Variants in GALNT13 observed in about 807,000 individuals in gnomAD.
The protein encoded by GALNT13 is polypeptide N-acetylgalactosaminyltransferase 13, also known as UDP-GalNAc:polypeptide N-acetylgalactosaminyltransferase 13.
Under a neutral mutation model 64.2 loss-of-function variants are expected in GALNT13, and 28 were observed. That is an observed-to-expected ratio of 0.44 (90% CI 0.32 to 0.60). The LOEUF (loss-of-function observed/expected upper bound fraction) is 0.60, where lower values mean the gene tolerates loss of function less well. Ranked by LOEUF, GALNT13 falls within the 20% of genes least tolerant of loss-of-function variation. GALNT13 has a pLI of 0.05. For synonymous variants in GALNT13, 214 were observed against 224.6 expected (o/e 0.95, Z 0.42); for missense variants, 577 against 669.8 (o/e 0.86, Z 1.53).
At chr2:153,609,294 C>T in the GALNT13 span, among the ~76,000 whole-genome samples, 1 of 152,098 alleles carries the variant, frequency 6.6e-6, no homozygotes, top group Non-Finnish European at 1.5e-5. Flanking sequence ...TCAACCTCTA[C>T]CTTTTTCTGA....
At chr2:153,290,400 T>C in the GALNT13 span, among the ~76,000 whole-genome samples, 1 of 152,168 alleles carries the variant, frequency 6.6e-6, no homozygotes, top group African/African-American at 2.4e-5. Flanking sequence ...GGGTATTTAA[T>C]TTTTAAAAAG....
At chr2:153,801,728 T>C in the GALNT13 span, among the ~76,000 whole-genome samples, 3 of 151,998 alleles carry the variant, frequency 2.0e-5, no homozygotes, top group African/African-American at 7.2e-5. Flanking sequence ...TGTTGGAAAA[T>C]TGGTGCCAAT....
chr2:153,732,882 G>A, the GALNT13 span, among the ~76,000 whole-genome samples: 32 of 152,016 alleles, frequency 2.1e-4, no homozygotes, highest in African/African-American at 7.7e-4. Context: ...TTGTTAGTAG[G>A]AACTTATAGG....
chr2:153,198,357 A>G, the GALNT13 span, among the ~76,000 whole-genome samples: 1 of 152,148 alleles, frequency 6.6e-6, no homozygotes, highest in Non-Finnish European at 1.5e-5. Flanking sequence ...GTCTGAGGTG[A>G]GAATGTAGGC....
intron 11 of GALNT13, among the ~76,000 whole-genome samples, chr2:154,416,972 T>G (rs1700036535): frequency 6.6e-6 from 1 of 152,182 alleles, no homozygotes; most frequent in Admixed American, 6.5e-5. Flanking sequence ...TTTTGTCCTC[T>G]AATCTCTTTC....
the GALNT13 span, among the ~76,000 whole-genome samples, chr2:153,706,602 C>G: frequency 1.4e-4 from 21 of 152,300 alleles, 1 homozygote; most frequent in Middle Eastern, 3.4e-3. Flanking sequence ...TATGCAGGAA[C>G]AGACTCAGTT....
rs1200622338 is a variant in GALNT13 at position 154,047,129 on chromosome 2, T to TAA, written c.143-93207_143-93206dup. ...TACACTTGTAATATTATACCAAAAC[T>TAA]AAGTGCTTTCTATTCTTATTTTCTT... is the stretch of plus-strand genomic sequence containing the variant. On this transcript the variant is annotated intron_variant, in intron 3 of 12. Transcript: ENST00000392825. Among the ~76,000 whole-genome samples the TAA allele has an allele frequency of 8.5e-5, 13 of 152,168 alleles. No individual in the cohort carries two copies. In the East Asian group the frequency reaches 2.5e-3, roughly 29 times the overall value.
At chr2:153,181,867 TATATTTATATAAAC>T in the GALNT13 span, among the ~76,000 whole-genome samples, 1 of 146,774 alleles carries the variant, frequency 6.8e-6, no homozygotes, top group African/African-American at 2.5e-5. Context: ...ATTATATAAG[TATATTTATATAAAC>T]ATATTTATAT....
chr2:153,438,654 C>T, the GALNT13 span, among the ~76,000 whole-genome samples: 32 of 151,802 alleles, frequency 2.1e-4, no homozygotes, highest in Admixed American at 1.5e-3. Flanking sequence ...ACGTAGTTCT[C>T]GTGCCATGGT....
chr2:154,396,017 G>A lies in GALNT13; in HGVS notation c.1183G>A (p.Val395Met). 1 of 1,609,082 alleles carries A rather than the reference G, an allele frequency of 6.2e-7. No homozygotes were observed. Among genetic ancestry groups the A allele is most frequent in the Non-Finnish European group, 8.5e-7 (1 of 1,177,932 alleles). Residue 395 changes from valine (V) to methionine (M), a missense_variant, in exon 10 of 13, where the codon GTG (valine) becomes ATG (methionine). Physicochemically the swap from Val to Met is conservative, Grantham distance 21 (BLOSUM62 1). Coordinates refer to ENST00000392825, the MANE Select transcript of GALNT13 (RefSeq NM_052917.4). ...TGTTGTCAAAGTGGATTATGGAGAT[G>A]TGTCAGTCAGAAAAACACTAAGAGA... ...PGVVKVDYGD[V>M]SVRKTLRENL...
the GALNT13 span, among the ~76,000 whole-genome samples, chr2:153,294,102 C>G: frequency 6.6e-6 from 1 of 151,230 alleles, no homozygotes; most frequent in Non-Finnish European, 1.5e-5. Flanking sequence ...GGATTACAAG[C>G]ATGAGCCACT....
At chr2:153,256,477 A>G in the GALNT13 span, among the ~76,000 whole-genome samples, 13 of 152,258 alleles carry the variant, frequency 8.5e-5, no homozygotes, top group South Asian at 2.7e-3. Flanking sequence ...CCTCAACGTC[A>G]TTCTCCGTCC....
At chr2:153,138,885 A>T in the GALNT13 span, among the ~76,000 whole-genome samples, 1 of 152,062 alleles carries the variant, frequency 6.6e-6, no homozygotes, top group African/African-American at 2.4e-5. Flanking sequence ...ATAGTGGTGC[A>T]GGTGGGTTGA....
the GALNT13 span, among the ~76,000 whole-genome samples, chr2:153,121,769 G>A: frequency 6.6e-6 from 1 of 152,058 alleles, no homozygotes; most frequent in Admixed American, 6.6e-5. Flanking sequence ...CCTGACCTCA[G>A]GTGATCCACC....
the GALNT13 span, chr2:153,356,483 A>T: frequency 6.6e-6 from 1 of 152,184 alleles, no homozygotes; most frequent in African/African-American, 2.4e-5. Context: ...CTAGAAGAAA[A>T]TTCATACAAA....
At chr2:153,468,333 G>A in the GALNT13 span, among the ~76,000 whole-genome samples, 4 of 152,034 alleles carry the variant, frequency 2.6e-5, no homozygotes, top group Admixed American at 6.6e-5. Flanking sequence ...AGTCCGTGAA[G>A]TCTTTGTTTG....
At chr2:153,825,106 G>T in the GALNT13 span, among the ~76,000 whole-genome samples, 1 of 152,160 alleles carries the variant, frequency 6.6e-6, no homozygotes, top group African/African-American at 2.4e-5. Context: ...TCTAGGTATT[G>T]CTGTGAATTG....
At chr2:153,992,305 A>C (rs1471452239) in intron 3 of GALNT13, among the ~76,000 whole-genome samples, 5 of 152,220 alleles carry the variant, frequency 3.3e-5, no homozygotes, top group South Asian at 2.1e-4. Context: ...TTAGTGTGCT[A>C]AGATTATATA....
chr2:154,051,112 A>G (rs2105346590), intron 3 of GALNT13, among the ~76,000 whole-genome samples: 1 of 152,270 alleles, frequency 6.6e-6, no homozygotes, highest in African/African-American at 2.4e-5. Context: ...TATCCATCAT[A>G]TCATCTCGTG....
Sources: gnomAD v4.1 joint callset for allele counts (sites outside exome capture counted in the v4.1 genomes callset) on GRCh38, gnomAD v4.1.1 for gene constraint, MANE v1.5 for transcripts, NCBI Gene and HGNC (gene_info 2026-07-23, HGNC 2026-07-21) for gene names.